The following CFAP61 variants were observed in gnomAD, a reference collection of about 807,000 sequenced individuals.
The protein encoded by CFAP61 is cilia and flagella associated protein 61.
Under a neutral mutation model 135.6 loss-of-function variants are expected in CFAP61, and 107 were observed. The ratio of observed to expected loss-of-function variants is 0.79; its 90% CI spans 0.67 to 0.93. The LOEUF (loss-of-function observed/expected upper bound fraction) is 0.93, where lower values mean the gene tolerates loss of function less well. Ranked by LOEUF, CFAP61 falls within the 40% of genes least tolerant of loss-of-function variation. CFAP61 has a pLI of 0.00. For missense variants in CFAP61, 1,507 were observed against 1,556.2 expected (o/e 0.97, Z 0.53); for synonymous variants, 575 against 578.5 (o/e 0.99, Z 0.09).
intron 25 of CFAP61, among the ~76,000 whole-genome samples, chr20:20,314,901 G>A (rs2057040344): frequency 7.5e-6 from 1 of 133,480 alleles, no homozygotes; most frequent in Non-Finnish European, 1.6e-5. Context: ...ATTCCATGGT[G>A]TATATGTGCC....
chr20:20,172,424 C>G, intron 13 of CFAP61: 1 of 287,686 alleles, frequency 3.5e-6, no homozygotes, highest in Non-Finnish European at 5.2e-6. Flanking sequence ...TCAGGTGATC[C>G]TCCCATCTCA....
chr20:20,202,495 G>A (rs1046528251), intron 17 of CFAP61, among the ~76,000 whole-genome samples: 3 of 151,920 alleles, frequency 2.0e-5, no homozygotes, highest in East Asian at 3.9e-4. Flanking sequence ...AATGGGCCTC[G>A]GTATTAAAAA....
chr20:20,056,928 G>A (rs2044390992), intron 2 of CFAP61, 132 bp downstream of exon 2: 4 of 735,380 alleles, frequency 5.4e-6, no homozygotes, highest in Non-Finnish European at 9.1e-6. Flanking sequence ...GACCAGCCTG[G>A]CCGACATGGC....
intron 6 of CFAP61, among the ~76,000 whole-genome samples, chr20:20,077,935 CTT>C (rs1240252756): frequency 6.6e-6 from 1 of 152,200 alleles, no homozygotes; most frequent in Non-Finnish European, 1.5e-5. Flanking sequence ...TTAATTCTCT[CTT>C]GGATCAGGAA....
chr20:20,094,375 A>C (rs577358241), intron 7 of CFAP61: 16 of 152,294 alleles, frequency 1.1e-4, no homozygotes, highest in South Asian at 1.0e-3. Flanking sequence ...CTGAGAAGTG[A>C]AATGATTCAT....
intron 8 of CFAP61, among the ~76,000 whole-genome samples, chr20:20,131,358 G>A (rs2146720868): frequency 6.6e-6 from 1 of 151,590 alleles, no homozygotes; most frequent in African/African-American, 2.4e-5. Flanking sequence ...GTTATATTTG[G>A]TAGTTCATAA....
At chr20:20,182,179 A>T (rs1286233341) in intron 13 of CFAP61, among the ~76,000 whole-genome samples, 1 of 152,226 alleles carries the variant, frequency 6.6e-6, no homozygotes, top group Admixed American at 6.5e-5. Context: ...TTTATCTGAG[A>T]ATAGGGTAAG....
intron 26 of CFAP61, among the ~76,000 whole-genome samples, chr20:20,354,982 G>A (rs2059014289): frequency 1.3e-5 from 2 of 149,432 alleles, no homozygotes; most frequent in Non-Finnish European, 3.0e-5. Context: ...TGAGAGGGGA[G>A]GTGGTCACAC....
chr20:20,091,518 TCTCTC>T (rs2047200515), intron 7 of CFAP61, among the ~76,000 whole-genome samples: 1 of 152,098 alleles, frequency 6.6e-6, no homozygotes, highest in Non-Finnish European at 1.5e-5. Context: ...TCTCTCTCTC[TCTCTC>T]ATGTATATTC....
chr20:20,358,414 C>G (rs1351206272), intron 26 of CFAP61, among the ~76,000 whole-genome samples: 1 of 152,096 alleles, frequency 6.6e-6, no homozygotes, highest in African/African-American at 2.4e-5. Flanking sequence ...GCTATTTAAC[C>G]CAGTGTCAGA....
intron 5 of CFAP61, 82 bp from the exon 6 acceptor site, chr20:20,075,407 G>C: frequency 1.3e-6 from 2 of 1,527,924 alleles, no homozygotes; most frequent in Admixed American, 3.4e-5. Flanking sequence ...GCACAATTTA[G>C]AATGGAAACT....
intron 15 of CFAP61, among the ~76,000 whole-genome samples, chr20:20,192,331 C>T (rs1421318378): frequency 6.6e-6 from 1 of 152,026 alleles, no homozygotes; most frequent in Non-Finnish European, 1.5e-5. Flanking sequence ...GTCCACTCTC[C>T]ACCTTTCTCC....
At chr20:20,216,543 A>C (rs1335683031) in intron 17 of CFAP61, among the ~76,000 whole-genome samples, 1 of 152,208 alleles carries the variant, frequency 6.6e-6, no homozygotes, top group African/African-American at 2.4e-5. Flanking sequence ...ATGAGCAGCA[A>C]CCCACATCCC....
At chr20:20,076,118 C>T (rs570961585) in intron 6 of CFAP61, among the ~76,000 whole-genome samples, 6 of 152,254 alleles carry the variant, frequency 3.9e-5, no homozygotes, top group East Asian at 1.9e-4. Context: ...CTTTCCACCC[C>T]GCAGGCTACT....
At chr20:20,141,149 G>A (rs1049117246) in intron 8 of CFAP61, among the ~76,000 whole-genome samples, 5 of 152,252 alleles carry the variant, frequency 3.3e-5, no homozygotes, top group South Asian at 2.1e-4. Flanking sequence ...TTGAACTCCT[G>A]ACCTCAGGTG....
chr20:20,269,144 TATAC>T (rs1316212538), intron 21 of CFAP61, among the ~76,000 whole-genome samples: 27 of 85,074 alleles, frequency 3.2e-4, no homozygotes, highest in Middle Eastern at 0.016. Flanking sequence ...TATATATATA[TATAC>T]ACACACACAC....
chr20:20,076,893 C>T (rs1442959118), intron 6 of CFAP61, among the ~76,000 whole-genome samples: 1 of 152,084 alleles, frequency 6.6e-6, no homozygotes, highest in Non-Finnish European at 1.5e-5. Context: ...GGTGTAAGTT[C>T]CCTCTGTCAG....
chr20:20,342,917 A>G (rs1407549875), intron 26 of CFAP61, among the ~76,000 whole-genome samples: 1 of 151,624 alleles, frequency 6.6e-6, no homozygotes, highest in Non-Finnish European at 1.5e-5. Flanking sequence ...CTGGAGTGCA[A>G]TGGCGTGATC....
At chr20:20,351,074 T>G (rs2058816647) in intron 26 of CFAP61, among the ~76,000 whole-genome samples, 1 of 152,146 alleles carries the variant, frequency 6.6e-6, no homozygotes, top group Non-Finnish European at 1.5e-5. Context: ...TCTTGCCACT[T>G]CTATTAAACA....
Sources: allele counts gnomAD v4.1 joint callset (sites outside exome capture counted in the v4.1 genomes callset), GRCh38; gene constraint gnomAD v4.1.1; transcripts MANE v1.5; gene names NCBI Gene and HGNC (gene_info 2026-07-23, HGNC 2026-07-21).